Variants in NCK2 observed in about 807,000 individuals in gnomAD.
NCK2 encodes NCK adaptor protein 2.
In NCK2, 16 loss-of-function variants were observed where a neutral mutation model predicts 33.9. That is an observed-to-expected ratio of 0.47 (90% confidence interval 0.32 to 0.72). NCK2 has a LOEUF of 0.72. Ranked by LOEUF, NCK2 falls within the 30% of genes least tolerant of loss-of-function variation. The pLI is 0.03. For synonymous variants in NCK2, 273 were observed against 239.9 expected (o/e 1.14, Z -1.27); for missense variants, 418 against 537.3 (o/e 0.78, Z 2.19).
chr2:105,811,081 A>C (rs1305006791), intron 1 of NCK2, among the ~76,000 whole-genome samples: 7 of 151,738 alleles, frequency 4.6e-5, no homozygotes, highest in African/African-American at 1.2e-4. Context: ...AGGCTGAGGT[A>C]AGAGAATCAC....
At chr2:105,855,496 G>A in intron 3 of NCK2, 1 of 519,002 alleles carries the variant, frequency 1.9e-6, no homozygotes, top group Non-Finnish European at 3.4e-6. Flanking sequence ...GGAGTTTGGG[G>A]TCCTGTGTAT....
intron 1 of NCK2, among the ~76,000 whole-genome samples, chr2:105,766,708 G>C (rs1217602387): frequency 6.6e-6 from 1 of 152,150 alleles, no homozygotes; most frequent in Non-Finnish European, 1.5e-5. Context: ...GGCGGGGGCG[G>C]GGTCTGCAGG....
At chr2:105,769,692 T>C (rs1308955940) in intron 1 of NCK2, among the ~76,000 whole-genome samples, 2 of 152,176 alleles carry the variant, frequency 1.3e-5, no homozygotes, top group Non-Finnish European at 2.9e-5. Flanking sequence ...TCCACGCAGC[T>C]TCCGCCCTGA....
intron 4 of NCK2, 52 bp downstream of exon 4, chr2:105,882,101 G>A (rs1009083313): frequency 2.1e-6 from 3 of 1,459,626 alleles, no homozygotes; most frequent in Non-Finnish European, 2.7e-6. Flanking sequence ...TGCGCCTTGC[G>A]CGGTGGGTCT....
chr2:105,766,571 C>T (rs1488260379), intron 1 of NCK2, among the ~76,000 whole-genome samples: 1 of 152,208 alleles, frequency 6.6e-6, no homozygotes, highest in East Asian at 1.9e-4. Context: ...GATCCTCCCA[C>T]CTCAGCCTCC....
intron 2 of NCK2, chr2:105,852,026 A>T (rs1276075299): frequency 6.6e-6 from 1 of 152,170 alleles, no homozygotes; most frequent in Non-Finnish European, 1.5e-5. Context: ...GGGAACTTTT[A>T]ATTTTCACGT....
chr2:105,872,371 C>T (rs1477915722), intron 3 of NCK2, among the ~76,000 whole-genome samples: 1 of 152,200 alleles, frequency 6.6e-6, no homozygotes, highest in Non-Finnish European at 1.5e-5. Flanking sequence ...AGTCCTTCTG[C>T]TCACAGCCGT....
intron 3 of NCK2, among the ~76,000 whole-genome samples, chr2:105,874,966 G>A (rs1449261575): frequency 1.3e-5 from 2 of 152,170 alleles, no homozygotes; most frequent in East Asian, 1.9e-4. Flanking sequence ...ATCCAAGTCA[G>A]CTATTTGCCA....
At chr2:105,869,027 C>T (rs1409044210) in intron 3 of NCK2, among the ~76,000 whole-genome samples, 1 of 152,180 alleles carries the variant, frequency 6.6e-6, no homozygotes, top group Non-Finnish European at 1.5e-5. Context: ...GTCTCAGTAA[C>T]GTTTGTTTGT....
chr2:105,765,994 C>T (rs1396374765), intron 1 of NCK2, among the ~76,000 whole-genome samples: 1 of 151,860 alleles, frequency 6.6e-6, no homozygotes, highest in Non-Finnish European at 1.5e-5. Flanking sequence ...GACGCTTACA[C>T]TGCACAGGTA....
intron 4 of NCK2, among the ~76,000 whole-genome samples, chr2:105,883,713 G>A (rs923991447): frequency 6.6e-6 from 1 of 152,174 alleles, no homozygotes; most frequent in African/African-American, 2.4e-5. Context: ...TTTCATCTCA[G>A]AACTCTGCAC....
chr2:105,811,162 CA>C (rs11358569), intron 1 of NCK2, among the ~76,000 whole-genome samples: 75,102 of 140,080 alleles, frequency 0.54, 21,550 homozygotes, highest in South Asian at 0.66. Flanking sequence ...TGACAGAGTG[CA>C]AAAAAAAAAA....
At chr2:105,837,574 A>G (rs62152231) in intron 2 of NCK2, among the ~76,000 whole-genome samples, 4,418 of 152,274 alleles carry the variant, frequency 0.029, 90 homozygotes, top group Non-Finnish European at 0.045. Flanking sequence ...AGCACTGTGC[A>G]TGTCCCTGAG....
At chr2:105,861,175 C>CTT (rs951183104) in intron 3 of NCK2, among the ~76,000 whole-genome samples, 2 of 152,196 alleles carry the variant, frequency 1.3e-5, no homozygotes, top group African/African-American at 4.8e-5. Context: ...TCTTCAGTTA[C>CTT]TTTTTACACC....
chr2:105,869,098 C>T (rs938420184), intron 3 of NCK2, among the ~76,000 whole-genome samples: 10 of 152,354 alleles, frequency 6.6e-5, no homozygotes, highest in Middle Eastern at 6.8e-3. Context: ...GGGCTCCTCT[C>T]ATAGACCCAC....
rs142001130 is a variant in NCK2 at position 105,865,322 on chromosome 2, G to A, written c.226+10033G>A. Among the ~76,000 whole-genome samples the A allele has an allele frequency of 4.2e-3, 645 of 152,292 alleles. 3 individuals carry two copies. The highest frequency in any genetic ancestry group is 0.014 in the African/African-American group (586 of 41,554). ...CATAATAGCCTCATTTTGCATGTGA[G>A]AAAACTGATACTCAGAAGTTAAGTG... On this transcript the variant is annotated intron_variant, in intron 3 of 4. Coordinates refer to ENST00000233154, the MANE Select transcript of NCK2 (RefSeq NM_003581.5).
intron 2 of NCK2, among the ~76,000 whole-genome samples, chr2:105,835,977 TA>T (rs928482837): frequency 6.6e-5 from 10 of 151,190 alleles, no homozygotes; most frequent in African/African-American, 2.4e-4. Flanking sequence ...CTTTTTGTGA[TA>T]AATATCTCTG....
intron 1 of NCK2, among the ~76,000 whole-genome samples, chr2:105,812,478 C>T (rs1573621505): frequency 6.6e-6 from 1 of 152,208 alleles, no homozygotes; most frequent in Non-Finnish European, 1.5e-5. Flanking sequence ...AGAATTCCCT[C>T]AGACAGCGCT....
chr2:105,890,089 A>G (rs1558890120), intron 4 of NCK2, among the ~76,000 whole-genome samples: 1 of 152,016 alleles, frequency 6.6e-6, no homozygotes, highest in Non-Finnish European at 1.5e-5. Flanking sequence ...ATTAAAGAAC[A>G]CTCCCCAACT....
Sources: gnomAD v4.1 joint callset for allele counts (sites outside exome capture counted in the v4.1 genomes callset) on GRCh38, gnomAD v4.1.1 for gene constraint, MANE v1.5 for transcripts, NCBI Gene and HGNC (gene_info 2026-07-23, HGNC 2026-07-21) for gene names.